Variants in LRRC8B observed in about 807,000 individuals in gnomAD.
LRRC8B encodes the protein leucine rich repeat containing 8 VRAC subunit B.
In LRRC8B, 23 loss-of-function variants were observed where a neutral mutation model predicts 58.8. That is an observed-to-expected ratio of 0.39 (90% CI 0.28 to 0.55). The LOEUF is 0.55. Among genes scored for constraint, LRRC8B ranks in the 20% least tolerant of loss-of-function variants. The pLI, the probability that LRRC8B is intolerant of heterozygous loss-of-function variation, is 0.62. For synonymous variants in LRRC8B, 359 were observed against 374.1 expected, an observed-to-expected ratio of 0.96 and a Z score of 0.47; for missense variants, 694 against 936.0, an observed-to-expected ratio of 0.74 and a Z score of 3.37.
intron 1 of LRRC8B, 130 bp from the exon 2 acceptor site, chr1:89,568,117 A>C (rs1570614765): frequency 6.6e-6 from 1 of 152,266 alleles, no homozygotes; most frequent in East Asian, 1.9e-4. Flanking sequence ...TTGTAAAATC[A>C]GTGGTACTCA....
At chr1:89,528,514 C>G (rs1358004981) in intron 1 of LRRC8B, among the ~76,000 whole-genome samples, 3 of 152,210 alleles carry the variant, frequency 2.0e-5, no homozygotes, top group Non-Finnish European at 2.9e-5. Flanking sequence ...CATAGACTGA[C>G]AGGCCTGATT....
chr1:89,530,854 G>T (rs991985942), intron 1 of LRRC8B, among the ~76,000 whole-genome samples: 4 of 152,124 alleles, frequency 2.6e-5, no homozygotes, highest in African/African-American at 9.7e-5. Context: ...GCTTTGGGAG[G>T]TGCCGTTTCT....
intron 1 of LRRC8B, among the ~76,000 whole-genome samples, chr1:89,564,457 T>C (rs1652897535): frequency 6.6e-6 from 1 of 152,254 alleles, no homozygotes; most frequent in Non-Finnish European, 1.5e-5. Flanking sequence ...AGATGGCTCT[T>C]AGTCAGCTCT....
intron 1 of LRRC8B, among the ~76,000 whole-genome samples, chr1:89,545,686 C>G (rs1323154924): frequency 6.6e-6 from 1 of 152,158 alleles, no homozygotes; most frequent in South Asian, 2.1e-4. Context: ...GAGAGGTTTC[C>G]TGCTTTCAAG....
intron 1 of LRRC8B, among the ~76,000 whole-genome samples, chr1:89,538,707 C>T (rs1404851947): frequency 1.3e-5 from 2 of 149,760 alleles, no homozygotes; most frequent in African/African-American, 4.9e-5. Context: ...TTAGCATCTT[C>T]GAGGTTTTTT....
intron 1 of LRRC8B, among the ~76,000 whole-genome samples, chr1:89,546,731 A>G (rs1316733948): frequency 6.6e-6 from 1 of 152,246 alleles, no homozygotes; most frequent in African/African-American, 2.4e-5. Context: ...TGACTGAGCT[A>G]TACCCAGAAA....
chr1:89,565,274 G>A (rs954565752), intron 1 of LRRC8B, among the ~76,000 whole-genome samples: 2 of 152,154 alleles, frequency 1.3e-5, no homozygotes, highest in Non-Finnish European at 2.9e-5. Flanking sequence ...AGGTTAACTT[G>A]TGGAAAAGGG....
intron 1 of LRRC8B, among the ~76,000 whole-genome samples, chr1:89,565,197 C>G (rs1055573618): frequency 6.6e-6 from 1 of 152,128 alleles, no homozygotes; most frequent in Non-Finnish European, 1.5e-5. Flanking sequence ...TGATGTGCAG[C>G]ATGCTTGTTT....
chr1:89,552,502 G>C (rs1392873592), intron 1 of LRRC8B, among the ~76,000 whole-genome samples: 1 of 152,134 alleles, frequency 6.6e-6, no homozygotes, highest in Non-Finnish European at 1.5e-5. Context: ...TACTGAGTCA[G>C]TTAAAAGCAG....
In LRRC8B at chr1:89,582,681, G is replaced by A. The variant is rs775173367; in HGVS notation, c.31G>A (p.Ala11Thr). 16 of 1,613,768 alleles carry A rather than the reference G, an allele frequency of 9.9e-6. No homozygotes were observed. The highest frequency in any genetic ancestry group is 1.4e-5 in the Non-Finnish European group (16 of 1,179,794). The part of the protein sequence containing the change: MITLTELKCL[A>T]DAQSSYHILK... ...TACACTAACTGAGCTAAAATGCTTA[G>A]CAGATGCCCAGTCATCTTATCACAT... is the stretch of plus-strand genomic sequence containing the variant. Residue 11 changes from alanine (A) to threonine (T), a missense_variant, in exon 5 of 6, where the codon GCA becomes ACA. By Grantham distance (58) the Ala-to-Thr change is moderately conservative. Transcript: ENST00000330947.
intron 3 of LRRC8B, among the ~76,000 whole-genome samples, chr1:89,573,521 T>C (rs1177613727): frequency 1.3e-5 from 2 of 152,166 alleles, no homozygotes; most frequent in African/African-American, 2.4e-5. Context: ...CCCAGACCCA[T>C]TATCTTACTA....
chr1:89,525,351 A>C (rs1649591569), intron 1 of LRRC8B, among the ~76,000 whole-genome samples: 1 of 151,934 alleles, frequency 6.6e-6, no homozygotes, highest in Admixed American at 6.5e-5. Flanking sequence ...TCGGCGTTGC[A>C]CCTGAGCGTG....
In LRRC8B at chr1:89,583,991, G is replaced by A. The variant is rs1654438078; in HGVS notation, c.1341G>A (p.Leu447=). Residue 447 remains leucine, a synonymous_variant, in exon 5 of 6, where the codon CTG becomes CTA. Transcript: ENST00000330947. The surrounding 1 kb of genome is among the most constrained non-coding windows in gnomAD (Gnocchi z 5.2). ...TAACTGAAATGGAAGTGCTAAGCCT[G>A]GAGCTTATCCCAGAGGTGAAGCTGC... The part of the protein sequence containing the change: ...FELTEMEVLS[L]ELIPEVKLPS... The A allele has an allele frequency of 6.2e-7, 1 of 1,614,166 alleles. No homozygotes were observed. Among genetic ancestry groups the A allele is most frequent in the South Asian group, 1.1e-5 (1 of 91,078 alleles).
chr1:89,527,415 G>A lies in LRRC8B; in HGVS notation c.-241+2393G>A, dbSNP rs549421049. On this transcript the variant is annotated intron_variant, in intron 1 of 5. Coordinates refer to ENST00000330947, the MANE Select transcript of LRRC8B (RefSeq NM_001369817.2). ...GATTCTGTCATGTTATTACACACTT[G>A]GTGGCATGATTTGCATTGCCTTGCA... Among the ~76,000 whole-genome samples, 6 of 152,240 alleles carry A rather than the reference G, an allele frequency of 3.9e-5. No homozygotes were observed. The South Asian group carries it at 1.2e-3, about 32-fold the overall frequency.
At chr1:89,525,192 A>T (rs1649568344) in intron 1 of LRRC8B, among the ~76,000 whole-genome samples, 170 bp downstream of exon 1, 2 of 152,236 alleles carry the variant, frequency 1.3e-5, no homozygotes, top group Non-Finnish European at 2.9e-5. Context: ...GCGCGGCTGC[A>T]GAGACGAGTG....
At chr1:89,578,436 T>C (rs1053921965) in intron 3 of LRRC8B, among the ~76,000 whole-genome samples, 3 of 123,620 alleles carry the variant, frequency 2.4e-5, no homozygotes, top group African/African-American at 5.1e-5. Context: ...GAATGAGAAA[T>C]CTTACTCCAG....
intron 1 of LRRC8B, among the ~76,000 whole-genome samples, chr1:89,527,998 G>A (rs1649826367): frequency 6.6e-6 from 1 of 152,174 alleles, no homozygotes; most frequent in Non-Finnish European, 1.5e-5. Context: ...CTTCAACCTT[G>A]ACCTTTCCTT....
intron 3 of LRRC8B, among the ~76,000 whole-genome samples, chr1:89,577,893 T>C (rs981590228): frequency 1.4e-4 from 22 of 152,120 alleles, no homozygotes; most frequent in Admixed American, 1.3e-3. Context: ...GCTAATTAGC[T>C]TTTTCTTCAG....
intron 5 of LRRC8B, among the ~76,000 whole-genome samples, chr1:89,585,778 T>G (rs1161634075): frequency 1.3e-5 from 2 of 151,266 alleles, no homozygotes; most frequent in Non-Finnish European, 2.9e-5. Context: ...ACTCAAGCAC[T>G]CAAGCCTGGT....
Sources: gnomAD v4.1 joint callset for allele counts (sites outside exome capture counted in the v4.1 genomes callset) on GRCh38, gnomAD v4.1.1 for gene constraint, Gnocchi (gnomAD v3.1) non-coding constraint, MANE v1.5 for transcripts, NCBI Gene and HGNC (gene_info 2026-07-23, HGNC 2026-07-21) for gene names.